The following MICU2 variants were observed in gnomAD, a reference collection of about 807,000 sequenced individuals.
MICU2 encodes mitochondrial calcium uptake 2.
A neutral mutation model predicts 60.4 loss-of-function variants in MICU2; 64 were observed. The ratio of observed to expected loss-of-function variants is 1.06; its 90% CI spans 0.87 to 1.31. MICU2 has a LOEUF of 1.31. MICU2 is among the 50% of genes most tolerant of loss of function. The pLI is 0.00. For synonymous variants in MICU2, 201 were observed against 175.0 expected (o/e 1.15, Z -1.17); for missense variants, 569 against 531.0 (o/e 1.07, Z -0.70).
chr13:21,514,180 GACC>G (rs1388489334), intron 7 of MICU2, among the ~76,000 whole-genome samples, 170 bp downstream of exon 7: 1 of 152,148 alleles, frequency 6.6e-6, no homozygotes, highest in Non-Finnish European at 1.5e-5. Flanking sequence ...CTATTGTTCA[GACC>G]ACCACGTATA....
chr13:21,600,900 CA>C (rs886394448), intron 1 of MICU2, among the ~76,000 whole-genome samples: 1 of 152,154 alleles, frequency 6.6e-6, no homozygotes, highest in Admixed American at 6.5e-5. Flanking sequence ...AGATTCACGC[CA>C]TTCTCCTGCC....
At position 21,599,101 on chromosome 13, in the gene MICU2, T is replaced by C. The variant is rs535140165; in HGVS notation, c.210+4838A>G. Among the ~76,000 whole-genome samples, 412 of 152,300 alleles carry C rather than the reference T, an allele frequency of 2.7e-3. 4 individuals are homozygous for C. Among genetic ancestry groups the C allele is most frequent in the African/African-American group, 9.4e-3 (389 of 41,546 alleles). On this transcript the variant is annotated intron_variant, in intron 1 of 11. Transcript: ENST00000382374. ...TGCCTGATGATCTGAGGTGCAACAG[T>C]TGCATCCCAAAACCACCCCCACCTC...
intron 4 of MICU2, among the ~76,000 whole-genome samples, chr13:21,530,397 C>G: frequency 6.6e-6 from 1 of 151,556 alleles, no homozygotes; most frequent in South Asian, 2.1e-4. Context: ...GGGGAAAATC[C>G]TATTTTTCTA....
At chr13:21,560,920 T>G (rs1471388006) in intron 2 of MICU2, among the ~76,000 whole-genome samples, 2 of 152,212 alleles carry the variant, frequency 1.3e-5, no homozygotes, top group Non-Finnish European at 2.9e-5. Context: ...GTTTTAAATT[T>G]TCCACTTGGT....
At chr13:21,526,937 G>A (rs1480671839) in intron 4 of MICU2, among the ~76,000 whole-genome samples, 2 of 152,170 alleles carry the variant, frequency 1.3e-5, no homozygotes, top group African/African-American at 4.8e-5. Context: ...GCAAATAAAG[G>A]AGGGAGTCAG....
At chr13:21,566,427 T>C (rs956604524) in intron 2 of MICU2, among the ~76,000 whole-genome samples, 2 of 152,206 alleles carry the variant, frequency 1.3e-5, no homozygotes, top group Admixed American at 1.3e-4. Flanking sequence ...TGTTTCTCAT[T>C]TTTTTCAGGA....
At chr13:21,543,806 GAAA>G (rs71093329) in intron 2 of MICU2, among the ~76,000 whole-genome samples, 1 of 131,866 alleles carries the variant, frequency 7.6e-6, no homozygotes, top group Non-Finnish European at 1.8e-5. Context: ...CATGCAAGTA[GAAA>G]AAAAATCCTA....
chr13:21,517,423 A>G (rs890533284), intron 6 of MICU2, among the ~76,000 whole-genome samples: 3 of 152,202 alleles, frequency 2.0e-5, no homozygotes, highest in Admixed American at 6.5e-5. Flanking sequence ...TGCCTTTTAA[A>G]TATGCTTTTT....
rs1566139460 is a variant in MICU2, at chr13:21,502,960, CAATA to C, written c.895_898del (p.Tyr299GlyfsTer4). The C allele has an allele frequency of 6.2e-7, 1 of 1,610,710 alleles. No individual in the cohort carries two copies. On this transcript the variant is annotated frameshift_variant, in exon 9 of 12. Coordinates refer to ENST00000382374, the MANE Select transcript of MICU2 (RefSeq NM_152726.3). LOFTEE classifies it high-confidence loss of function. ...TGACAACTTCTCTCTCACATTTTTC[CAATA>C]AATATCTTTATTTTCAGTGTTAGTG...
intron 9 of MICU2, among the ~76,000 whole-genome samples, chr13:21,499,743 C>T (rs1274424266): frequency 6.6e-6 from 1 of 152,034 alleles, no homozygotes; most frequent in Non-Finnish European, 1.5e-5. Flanking sequence ...ATCAGAGGCA[C>T]CGACTGCATT....
intron 1 of MICU2, among the ~76,000 whole-genome samples, chr13:21,585,561 T>A (rs376697186): frequency 1.3e-5 from 2 of 152,202 alleles, no homozygotes; most frequent in East Asian, 3.8e-4. Flanking sequence ...AAATAATCAC[T>A]ACAAATCTAT....
intron 7 of MICU2, among the ~76,000 whole-genome samples, chr13:21,512,789 T>C (rs572657573): frequency 3.9e-5 from 6 of 152,208 alleles, no homozygotes; most frequent in Admixed American, 1.3e-4. Context: ...TATCATTATC[T>C]AAGAAACTGT....
chr13:21,511,186 T>C (rs945814910), intron 7 of MICU2, among the ~76,000 whole-genome samples: 2 of 152,142 alleles, frequency 1.3e-5, no homozygotes, highest in Non-Finnish European at 2.9e-5. Context: ...TTCTCTCCTT[T>C]AGTCAACAAA....
chr13:21,493,994 A>AATT (rs1222776842), intron 11 of MICU2, among the ~76,000 whole-genome samples: 1 of 152,120 alleles, frequency 6.6e-6, no homozygotes, highest in Non-Finnish European at 1.5e-5. Flanking sequence ...TCTACTCCAG[A>AATT]TTATATATGT....
At chr13:21,594,556 C>A (rs893540592) in intron 1 of MICU2, among the ~76,000 whole-genome samples, 2 of 152,196 alleles carry the variant, frequency 1.3e-5, no homozygotes, top group Admixed American at 6.5e-5. Flanking sequence ...ATAAATCATT[C>A]TACTATGCAG....
At chr13:21,601,969 G>T (rs1284212577) in intron 1 of MICU2, among the ~76,000 whole-genome samples, 1 of 151,842 alleles carries the variant, frequency 6.6e-6, no homozygotes, top group South Asian at 2.1e-4. Context: ...TTAGCTGGAC[G>T]TGGTGGCGTA....
chr13:21,599,060 A>G (rs917727507), intron 1 of MICU2, among the ~76,000 whole-genome samples: 15 of 152,314 alleles, frequency 9.8e-5, no homozygotes, highest in African/African-American at 3.6e-4. Context: ...CTGTACTCCT[A>G]TGAGAATCTA....
chr13:21,544,662 T>C (rs8000741), intron 2 of MICU2, among the ~76,000 whole-genome samples: 30,644 of 151,936 alleles, frequency 0.2, 4,117 homozygotes, highest in East Asian at 0.66. Flanking sequence ...AGAAAAGGAA[T>C]TCTTTTTTGA....
At position 21,493,272 on chromosome 13, in the gene MICU2, G is replaced by C. The variant is rs749752283; in HGVS notation, c.1282C>G (p.Gln428Glu). ...SIKGVKEVWK[Q>E]AGKGLF ...TATTAAAAAAGACCTTTTCCAGCTT[G>C]TTTCCAGACTTCTTTTACTCCTTTA... The change falls in exon 12 of 12, where the codon CAA becomes GAA. Residue 428 changes from glutamine (Q) to glutamate (E), a missense_variant. Transcript: ENST00000382374. 10 of 1,607,744 alleles carry C rather than the reference G, an allele frequency of 6.2e-6. No homozygotes were observed. The African/African-American group carries it at 1.3e-4, about 22-fold the overall frequency.
Sources: allele counts gnomAD v4.1 joint callset (sites outside exome capture counted in the v4.1 genomes callset), GRCh38; gene constraint gnomAD v4.1.1; transcripts MANE v1.5; gene names NCBI Gene and HGNC (gene_info 2026-07-23, HGNC 2026-07-21).